Variants in PARD3B observed in about 807,000 individuals in gnomAD.
PARD3B encodes partitioning defective 3 homolog B.
A neutral mutation model predicts 130.2 loss-of-function variants in PARD3B; 103 were observed. That is an observed-to-expected ratio of 0.79 (90% CI 0.67 to 0.93). The LOEUF (loss-of-function observed/expected upper bound fraction) is 0.93, where lower values mean the gene tolerates loss of function less well. Among genes scored for constraint, PARD3B ranks in the 40% least tolerant of loss-of-function variants. The pLI, the probability that PARD3B is intolerant of heterozygous loss-of-function variation, is 0.00. For synonymous variants in PARD3B, 583 were observed against 553.2 expected (o/e 1.05, Z -0.76); for missense variants, 1,609 against 1,499.2 (o/e 1.07, Z -1.21).
rs1026331254 is a variant in PARD3B, at chr2:205,379,860, G to A, written c.2631-21153G>A. 5.3e-5 allele frequency among the ~76,000 whole-genome samples: 8 copies of A among 151,784 alleles called. No individual in the cohort carries two copies. In the South Asian group the frequency reaches 1.5e-3, roughly 28 times the overall value. On this transcript the variant is annotated intron_variant, in intron 18 of 22. Transcript: ENST00000406610. ...CAAAGCGGGTGGATCACAAGTTCAGGAGACTGAGACCATCTTGGCTAATAT... is the reference window on the plus strand; with the variant it reads ...CAAAGCGGGTGGATCACAAGTTCAGAAGACTGAGACCATCTTGGCTAATAT...
At chr2:204,980,422 A>G (rs1471267180) in intron 3 of PARD3B, among the ~76,000 whole-genome samples, 3 of 152,190 alleles carry the variant, frequency 2.0e-5, no homozygotes, top group East Asian at 1.9e-4. Flanking sequence ...TAGAATTCCA[A>G]ATAATATATA....
chr2:205,532,410 A>G (rs1466270092), intron 21 of PARD3B, among the ~76,000 whole-genome samples: 1 of 152,150 alleles, frequency 6.6e-6, no homozygotes, highest in Non-Finnish European at 1.5e-5. Context: ...AGGGGTGTGG[A>G]AAATAATCAA....
intron 4 of PARD3B, among the ~76,000 whole-genome samples, chr2:205,062,648 G>A (rs1388194387): frequency 6.6e-6 from 1 of 151,472 alleles, no homozygotes; most frequent in East Asian, 1.9e-4. Flanking sequence ...ATAAATGAAA[G>A]AATGCATAAA....
At chr2:204,658,025 A>G (rs1252947957) in intron 1 of PARD3B, among the ~76,000 whole-genome samples, 1 of 152,210 alleles carries the variant, frequency 6.6e-6, no homozygotes, top group Non-Finnish European at 1.5e-5. Flanking sequence ...ATTGTGACTT[A>G]GACATGATCT....
chr2:205,155,182 C>G (rs1291149632), intron 10 of PARD3B, among the ~76,000 whole-genome samples: 2 of 152,124 alleles, frequency 1.3e-5, no homozygotes, highest in South Asian at 2.1e-4. Flanking sequence ...TTGGTTGACA[C>G]ATTTACCCCA....
chr2:205,035,637 C>T (rs1007744142), intron 3 of PARD3B, among the ~76,000 whole-genome samples: 41 of 151,768 alleles, frequency 2.7e-4, no homozygotes, highest in African/African-American at 9.4e-4. Flanking sequence ...TGAACTTGCA[C>T]AGTGGGTGTT....
rs1424354520 is a variant in PARD3B, at chr2:204,689,551, C to G, written c.222+3269C>G. Among the ~76,000 whole-genome samples the G allele has an allele frequency of 6.6e-6, 1 of 152,084 alleles. No individual in the cohort carries two copies. Among genetic ancestry groups the G allele is most frequent in the Non-Finnish European group, 1.5e-5 (1 of 67,998 alleles). On this transcript the variant is annotated intron_variant, in intron 2 of 22. Coordinates refer to ENST00000406610, the MANE Select transcript of PARD3B (RefSeq NM_001302769.2). The surrounding 1 kb of genome is among the most constrained non-coding windows in gnomAD (Gnocchi z 5.2). The stretch of plus-strand genomic sequence containing the variant: ...TATCTAAGAATTGTAATTTTACACT[C>G]ATGTCTCCTCTCTGGTTGCTAAAGG...
intron 4 of PARD3B, among the ~76,000 whole-genome samples, chr2:205,062,562 G>A (rs1344587932): frequency 8.5e-5 from 13 of 152,174 alleles, no homozygotes; most frequent in Admixed American, 6.6e-4. Context: ...AGTGCACTGA[G>A]GATGGAGAAT....
intron 16 of PARD3B, among the ~76,000 whole-genome samples, chr2:205,264,930 G>A (rs1479108594): frequency 6.6e-6 from 1 of 150,946 alleles, no homozygotes. Context: ...ATTGTAAACT[G>A]GTGATTCCTG....
intron 22 of PARD3B, among the ~76,000 whole-genome samples, chr2:205,593,330 A>C (rs2054456257): frequency 6.6e-6 from 1 of 152,222 alleles, no homozygotes; most frequent in Non-Finnish European, 1.5e-5. Context: ...GATGAAGGTA[A>C]TTAACTTTTT....
At chr2:204,936,207 A>G (rs1006742449) in intron 2 of PARD3B, among the ~76,000 whole-genome samples, 2 of 152,248 alleles carry the variant, frequency 1.3e-5, no homozygotes, top group African/African-American at 4.8e-5. Flanking sequence ...TTTCTCACCC[A>G]GTGCACGGCA....
intron 3 of PARD3B, among the ~76,000 whole-genome samples, chr2:204,996,825 G>A (rs1575512418): frequency 2.0e-5 from 3 of 147,460 alleles, no homozygotes; most frequent in South Asian, 2.3e-4. Flanking sequence ...CAATATTCGG[G>A]TGGGAGTGAC....
intron 2 of PARD3B, among the ~76,000 whole-genome samples, chr2:204,865,502 G>A (rs1285921946): frequency 6.6e-6 from 1 of 152,208 alleles, no homozygotes; most frequent in Non-Finnish European, 1.5e-5. Flanking sequence ...AATGGAATTG[G>A]AGACCATTAT....
chr2:204,795,703 C>T (rs958111793), intron 2 of PARD3B, among the ~76,000 whole-genome samples: 1 of 152,168 alleles, frequency 6.6e-6, no homozygotes, highest in South Asian at 2.1e-4. Context: ...TTTCTGAACT[C>T]CATTTTAATA....
At chr2:204,980,475 T>C (rs1012735875) in intron 3 of PARD3B, among the ~76,000 whole-genome samples, 1 of 152,184 alleles carries the variant, frequency 6.6e-6, no homozygotes, top group Non-Finnish European at 1.5e-5. Flanking sequence ...ACTTGATGAC[T>C]TACTTCCAAA....
rs552237236 is a variant in PARD3B at position 204,720,633 on chromosome 2, A to C, written c.222+34351A>C. 1.1e-4 allele frequency among the ~76,000 whole-genome samples: 17 copies of C among 152,246 alleles called. No homozygotes were observed. In the East Asian group the frequency reaches 3.3e-3, roughly 29 times the overall value. ...AAGACAAAAGCAAAAGGGAAAAGTT[A>C]AACTTGAAAAAAACATTGTCTACTT... is the stretch of plus-strand genomic sequence containing the variant. On this transcript the variant is annotated intron_variant, in intron 2 of 22. Coordinates refer to ENST00000406610, the MANE Select transcript of PARD3B (RefSeq NM_001302769.2).
intron 20 of PARD3B, among the ~76,000 whole-genome samples, chr2:205,490,570 A>G (rs1331582269): frequency 3.9e-5 from 6 of 152,208 alleles, no homozygotes; most frequent in Non-Finnish European, 7.3e-5. Flanking sequence ...TGTAATAAAC[A>G]TACGTGTGCA....
rs1181085318 is a variant in PARD3B, at chr2:205,461,233, G to C, written c.3044+20561G>C. On this transcript the variant is annotated intron_variant, in intron 20 of 22. Transcript: ENST00000406610. The surrounding 1 kb of genome is among the most constrained non-coding windows in gnomAD (Gnocchi z 4.3). ...AAAGAGTGAGTAGCCATGAGAATTT[G>C]GGTGCTGAAAGAGGCATGAAAGGCA... 4.6e-5 allele frequency among the ~76,000 whole-genome samples: 7 copies of C among 152,176 alleles called. No homozygotes were observed. The highest frequency in any genetic ancestry group is 1.5e-5 in the Non-Finnish European group (1 of 68,034).
intron 22 of PARD3B, among the ~76,000 whole-genome samples, chr2:205,581,733 A>G (rs1391137006): frequency 6.6e-6 from 1 of 152,072 alleles, no homozygotes; most frequent in East Asian, 1.9e-4. Flanking sequence ...AAATAGATAC[A>G]TCTACTAGTA....
Sources: gnomAD v4.1 joint callset for allele counts (sites outside exome capture counted in the v4.1 genomes callset) on GRCh38, gnomAD v4.1.1 for gene constraint, Gnocchi (gnomAD v3.1) non-coding constraint, MANE v1.5 for transcripts, NCBI Gene and HGNC (gene_info 2026-07-23, HGNC 2026-07-21) for gene names.